SRCAP: variants seen among roughly 807,000 people sequenced by gnomAD.
SRCAP encodes the protein Snf2 related CREBBP activator protein.
A neutral mutation model predicts 263.1 loss-of-function variants in SRCAP; 46 were observed. That is an observed-to-expected ratio of 0.17 (90% CI 0.14 to 0.22). SRCAP has a LOEUF of 0.22. Ranked by LOEUF, SRCAP falls within the 10% of genes least tolerant of loss-of-function variation. The pLI is 1.00. For missense variants in SRCAP, 3,695 were observed against 4,181.9 expected (o/e 0.88, Z 3.21); for synonymous variants, 1,813 against 1,662.1 (o/e 1.09, Z -2.21).
chr16:30,724,630 C>T lies in SRCAP; in HGVS notation c.5206C>T (p.Pro1736Ser). 6.2e-7 allele frequency: 1 copy of T among 1,614,202 alleles called. No individual in the cohort carries two copies. Among genetic ancestry groups the T allele is most frequent in the Non-Finnish European group, 8.5e-7 (1 of 1,180,034 alleles). The change falls in exon 25 of 34, where the codon CCA (proline) becomes TCA (serine). Residue 1736 changes from proline (P) to serine (S), a missense_variant. Pro to Ser is a moderately conservative substitution (Grantham distance 74, BLOSUM62 -1). Transcript: ENST00000262518. ...PTPAQTLSLA[P>S]GPPLGPTQTL... is the part of the protein sequence containing the mutation. The stretch of plus-strand genomic sequence containing the variant: ...TCCAGCCCAGACACTGTCTTTGGCA[C>T]CAGGACCACCACTGGGTCCAACTCA...
intron 4 of SRCAP, among the ~76,000 whole-genome samples, chr16:30,705,541 A>G (rs2052817406): frequency 6.9e-6 from 1 of 145,644 alleles, no homozygotes; most frequent in African/African-American, 2.6e-5. Flanking sequence ...CTAGGACTAC[A>G]GGCGCCCGCC....
At chr16:30,701,407 TTTAGTA>T (rs959782643) in intron 3 of SRCAP, 1 of 152,414 alleles carries the variant, frequency 6.6e-6, no homozygotes, top group African/African-American at 2.4e-5. Flanking sequence ...TCCTCCCAGT[TTTAGTA>T]TATGTGTTGC....
At position 30,738,095 on chromosome 16, in the gene SRCAP, C is replaced by T. The variant is rs754485229; in HGVS notation, c.8055C>T (p.Ser2685=). The part of the protein sequence containing the change: ...EELTEAKTPT[S]SPEKPQELVT... ...TGACAGAGGCCAAGACCCCAACCTC[C>T]AGCCCAGAGAAGCCACAGGAACTCG... The change falls in exon 34 of 34, where the codon TCC becomes TCT. Residue 2685 remains serine (S), a synonymous_variant. Coordinates refer to ENST00000262518, the MANE Select transcript of SRCAP (RefSeq NM_006662.3). 22 of 1,614,052 alleles carry T rather than the reference C, an allele frequency of 1.4e-5. No individual in the cohort carries two copies. Among genetic ancestry groups the T allele is most frequent in the Non-Finnish European group, 1.6e-5 (19 of 1,180,052 alleles).
intron 24 of SRCAP, 118 bp downstream of exon 24, chr16:30,723,347 G>C: frequency 6.9e-7 from 1 of 1,455,626 alleles, no homozygotes; most frequent in Non-Finnish European, 9.1e-7. Flanking sequence ...GCCTTGATTT[G>C]TAGTGGGCCC....
chr16:30,729,398 G>T lies in SRCAP; in HGVS notation c.5953G>T (p.Ala1985Ser). ...RFIFVMPPVEAPPPSLHACHP... is the reference protein window; with the variant it reads ...RFIFVMPPVESPPPSLHACHP... ...CATCTTTGTCATGCCTCCTGTGGAG[G>T]CACCTCCCCCTTCCCTGCATGCCTG... Residue 1985 changes from alanine to serine, a missense_variant, in exon 27 of 34, where the codon GCA becomes TCA. By Grantham distance (99) the Ala-to-Ser change is moderately conservative. Coordinates refer to ENST00000262518, the MANE Select transcript of SRCAP (RefSeq NM_006662.3). The T allele has an allele frequency of 6.2e-7, 1 of 1,614,092 alleles. No homozygotes were observed. The highest frequency in any genetic ancestry group is 1.6e-4 in the Middle Eastern group (1 of 6,062).
intron 31 of SRCAP, 96 bp from the exon 32 acceptor site, chr16:30,736,104 G>A (rs2151299523): frequency 6.8e-7 from 1 of 1,463,474 alleles, no homozygotes; most frequent in African/African-American, 1.4e-5. Context: ...ACCTAGTTTG[G>A]TGTACGCTTG....
intron 27 of SRCAP, among the ~76,000 whole-genome samples, chr16:30,731,949 A>G (rs2053118093): frequency 6.6e-6 from 1 of 152,130 alleles, no homozygotes; most frequent in Admixed American, 6.6e-5. Context: ...GTTGGAGACC[A>G]GCCTGGGCAA....
At chr16:30,703,809 A>G (rs2052795294) in intron 3 of SRCAP, among the ~76,000 whole-genome samples, 1 of 152,096 alleles carries the variant, frequency 6.6e-6, no homozygotes, top group Non-Finnish European at 1.5e-5. Context: ...AGGCAGGAGA[A>G]TGGCATGAAC....
In SRCAP at chr16:30,739,775, C is replaced by T. The variant is rs2053206799; in HGVS notation, c.*42C>T. On this transcript the variant is annotated 3_prime_UTR_variant, in exon 34 of 34. Coordinates refer to ENST00000262518, the MANE Select transcript of SRCAP (RefSeq NM_006662.3). ...CCTAGGCTTTCCACCGTGGCCACTCCCTCCATGACCAGGCCTGACTCTGTT... is the reference window on the plus strand; with the variant it reads ...CCTAGGCTTTCCACCGTGGCCACTCTCTCCATGACCAGGCCTGACTCTGTT... 6.9e-7 allele frequency: 1 copy of T among 1,449,454 alleles called. No homozygotes were observed. Among genetic ancestry groups the T allele is most frequent in the Non-Finnish European group, 9.1e-7 (1 of 1,099,036 alleles). 89.8% of individuals were successfully genotyped at this position (1,449,454 alleles called of 1,614,324 possible).
rs771977971 is a variant in SRCAP, at chr16:30,722,711, C to A, written c.3855C>A (p.Ala1285=). The A allele has an allele frequency of 2.5e-6, 4 of 1,613,764 alleles. No homozygotes were observed. In the South Asian group the frequency reaches 4.4e-5, roughly 18 times the overall value. ...CTTCGACCCCCAGCACCACCCCTGC[C>A]CCTACTGGCCTCAGCCTTCCGCTTG... ...LPSSTPSTTP[A]PTGLSLPLAA... Residue 1285 remains alanine (A), a synonymous_variant, in exon 23 of 34, where the codon GCC becomes GCA. Coordinates refer to ENST00000262518, the MANE Select transcript of SRCAP (RefSeq NM_006662.3).
intron 31 of SRCAP, among the ~76,000 whole-genome samples, chr16:30,735,347 C>T (rs1419683756): frequency 1.3e-5 from 2 of 150,762 alleles, no homozygotes; most frequent in African/African-American, 2.4e-5. Context: ...AGGGTTTCAC[C>T]GTTTTAGCCG....
rs1440719152 is a variant in SRCAP at position 30,723,048 on chromosome 16, A to G, written c.3978A>G (p.Pro1326=). 1.2e-6 allele frequency: 2 copies of G among 1,613,832 alleles called. No individual in the cohort carries two copies. The highest frequency in any genetic ancestry group is 1.7e-5 in the Admixed American group (1 of 59,998). Reference sequence around the variant, plus strand: ...GGGATGGACTGACTCCTGTTCCTCCATTGGCCCCAGCACCCCGGCCTCCGA... The same window carrying G: ...GGGATGGACTGACTCCTGTTCCTCCGTTGGCCCCAGCACCCCGGCCTCCGA... ...APRDGLTPVP[P]LAPAPRPPSS... is the part of the protein sequence containing the mutation. Residue 1326 remains proline, a synonymous_variant, in exon 24 of 34, where the codon CCA becomes CCG. Coordinates refer to ENST00000262518, the MANE Select transcript of SRCAP (RefSeq NM_006662.3).
Position 30,724,640 on chromosome 16 carries a change from C to T in SRCAP, c.5216C>T (p.Pro1739Leu), listed in dbSNP as rs757626317. ...AQTLSLAPGP[P>L]LGPTQTLSLA... ...ACACTGTCTTTGGCACCAGGACCACCACTGGGTCCAACTCAGACGCTGTCT... is the reference window on the plus strand; with the variant it reads ...ACACTGTCTTTGGCACCAGGACCACTACTGGGTCCAACTCAGACGCTGTCT... The change falls in exon 25 of 34, where the codon CCA (proline) becomes CTA (leucine). Residue 1739 changes from proline (P) to leucine (L), a missense_variant. Physicochemically the swap from Pro to Leu is moderately conservative, Grantham distance 98. This residue lies in a region of SRCAP where 1,347 missense variants were observed against 1,304.4 expected (regional missense o/e 1.03). Coordinates refer to ENST00000262518, the MANE Select transcript of SRCAP (RefSeq NM_006662.3). The T allele has an allele frequency of 7.4e-6, 12 of 1,614,182 alleles. No individual in the cohort carries two copies. Among genetic ancestry groups the T allele is most frequent in the Middle Eastern group, 1.6e-4 (1 of 6,062 alleles).
At chr16:30,719,131 A>G (rs947314679) in intron 18 of SRCAP, among the ~76,000 whole-genome samples, 3 of 147,826 alleles carry the variant, frequency 2.0e-5, no homozygotes. Context: ...CCTGGCCTCA[A>G]GTGATCTGCC....
Position 30,710,016 on chromosome 16 carries a change from C to T in SRCAP, c.1022C>T (p.Pro341Leu). 1 of 1,614,188 alleles carries T rather than the reference C, an allele frequency of 6.2e-7. No homozygotes were observed. The highest frequency in any genetic ancestry group is 8.5e-7 in the Non-Finnish European group (1 of 1,180,030). Residue 341 changes from proline to leucine, a missense_variant, in exon 8 of 34, where the codon CCT (proline) becomes CTT (leucine). Transcript: ENST00000262518. ...PLEELLRSLP[P>L]QLLEGPSSPS... ...GAAGAGCTGCTCCGTTCCCTTCCCCCTCAGCTGTTGGAAGGGCCTTCCAGC... is the reference window on the plus strand; with the variant it reads ...GAAGAGCTGCTCCGTTCCCTTCCCCTTCAGCTGTTGGAAGGGCCTTCCAGC...
In SRCAP at chr16:30,733,298, C is replaced by T; in HGVS notation, c.6146C>T (p.Ala2049Val). The change falls in exon 28 of 34, where the codon GCA becomes GTA. Residue 2049 changes from alanine (A) to valine (V), a missense_variant. By Grantham distance (64) the Ala-to-Val change is moderately conservative (BLOSUM62 0). Coordinates refer to ENST00000262518, the MANE Select transcript of SRCAP (RefSeq NM_006662.3). This position sits in a 1 kb window ranked among gnomAD's most constrained non-coding sequence, Gnocchi z 5.3. ...QYDCGKLQTLAVLLRQLKAEG... is the reference protein window; with the variant it reads ...QYDCGKLQTLVVLLRQLKAEG... Reference sequence around the variant, plus strand: ...TCTTTAGGAAAGTTGCAGACGTTGGCAGTGCTGTTGCGGCAGCTCAAGGCA... The same window carrying T: ...TCTTTAGGAAAGTTGCAGACGTTGGTAGTGCTGTTGCGGCAGCTCAAGGCA... 1 of 1,613,996 alleles carries T rather than the reference C, an allele frequency of 6.2e-7. No individual in the cohort carries two copies. Among genetic ancestry groups the T allele is most frequent in the Non-Finnish European group, 8.5e-7 (1 of 1,180,020 alleles).
chr16:30,701,919 C>CAGGCCT (rs2052771232), intron 3 of SRCAP, among the ~76,000 whole-genome samples: 1 of 150,606 alleles, frequency 6.6e-6, no homozygotes, highest in South Asian at 2.1e-4. Context: ...GGTGTGAGCC[C>CAGGCCT]CCAGGCCTGG....
chr16:30,720,502 A>T (rs1477946870), intron 19 of SRCAP, among the ~76,000 whole-genome samples, 171 bp downstream of exon 19: 1 of 152,124 alleles, frequency 6.6e-6, no homozygotes, highest in Non-Finnish European at 1.5e-5. Flanking sequence ...GGGTACTGGG[A>T]TGGGCTTCTG....
chr16:30,721,994 T>G, intron 21 of SRCAP, 128 bp from the exon 22 acceptor site: 1 of 1,152,446 alleles, frequency 8.7e-7, no homozygotes, highest in Non-Finnish European at 1.2e-6. Context: ...TATTGGGACA[T>G]GGTAAATTGT....
Sources: allele counts gnomAD v4.1 joint callset (sites outside exome capture counted in the v4.1 genomes callset), GRCh38; gene constraint gnomAD v4.1.1; regional missense constraint gnomAD v4.1.1; non-coding constraint Gnocchi (gnomAD v3.1); transcripts MANE v1.5; gene names NCBI Gene and HGNC (gene_info 2026-07-23, HGNC 2026-07-21).